The following FHIT variants were observed in gnomAD, a reference collection of about 807,000 sequenced individuals.
FHIT encodes bis(5'-adenosyl)-triphosphatase.
A neutral mutation model predicts 17.9 loss-of-function variants in FHIT; 19 were observed. The observed-to-expected ratio is 1.06, with a 90% confidence interval of 0.74 to 1.56. The LOEUF (loss-of-function observed/expected upper bound fraction) is 1.56. FHIT is among the 40% of genes most tolerant of loss of function. The pLI, the probability that FHIT is intolerant of heterozygous loss-of-function variation, is 0.00. For synonymous variants in FHIT, 81 were observed against 69.7 expected (o/e 1.16, Z -0.81); for missense variants, 248 against 189.2 (o/e 1.31, Z -1.82).
intron 5 of FHIT, among the ~76,000 whole-genome samples, chr3:60,025,444 A>C (rs892255651): frequency 1.3e-5 from 2 of 152,234 alleles, no homozygotes; most frequent in African/African-American, 4.8e-5. Flanking sequence ...ACTTTTGCTC[A>C]CTTTGGCTTA....
At chr3:60,988,967 AAAAAAAAAC>A (rs1267636131) in intron 3 of FHIT, among the ~76,000 whole-genome samples, 3 of 145,504 alleles carry the variant, frequency 2.1e-5, no homozygotes, top group East Asian at 2.0e-4. Flanking sequence ...AAAAAAAAAA[AAAAAAAAAC>A]AAGATAATTT....
Position 60,903,479 on chromosome 3 carries a change from A to T in FHIT, c.-110-81468T>A, listed in dbSNP as rs1039815043. On this transcript the variant is annotated intron_variant, in intron 3 of 9. Transcript: ENST00000492590. ...AAAGACCTAAATCTGGACCACTGAA[A>T]CTAGTGCACACTTCTAAGTTAGATG... is the stretch of plus-strand genomic sequence containing the variant. Among the ~76,000 whole-genome samples the T allele has an allele frequency of 2.0e-5, 3 of 152,256 alleles. No individual in the cohort carries two copies. The East Asian group carries it at 5.8e-4, about 29-fold the overall frequency.
At chr3:61,001,042 T>C (rs1233277271) in intron 3 of FHIT, among the ~76,000 whole-genome samples, 1 of 151,452 alleles carries the variant, frequency 6.6e-6, no homozygotes, top group South Asian at 2.1e-4. Flanking sequence ...ATACAGGTAG[T>C]AAGCACACAA....
At chr3:61,186,159 G>A (rs2038501989) in intron 2 of FHIT, among the ~76,000 whole-genome samples, 2 of 152,126 alleles carry the variant, frequency 1.3e-5, no homozygotes, top group African/African-American at 4.8e-5. Flanking sequence ...AATAAACCAG[G>A]TGGTAACTAA....
At chr3:60,442,147 A>T (rs1559916812) in intron 5 of FHIT, among the ~76,000 whole-genome samples, 1 of 152,018 alleles carries the variant, frequency 6.6e-6, no homozygotes. Flanking sequence ...GGCATAAGCC[A>T]CCATGCCCAG....
At chr3:60,210,364 A>G (rs1022715626) in intron 5 of FHIT, among the ~76,000 whole-genome samples, 6 of 152,170 alleles carry the variant, frequency 3.9e-5, no homozygotes. Context: ...AAACATGGTA[A>G]TATGTCATCT....
At chr3:60,583,894 A>T (rs1289139077) in intron 4 of FHIT, among the ~76,000 whole-genome samples, 1 of 152,140 alleles carries the variant, frequency 6.6e-6, no homozygotes, top group African/African-American at 2.4e-5. Flanking sequence ...TTCTCTCAGT[A>T]GTAAAAGTAT....
chr3:60,123,892 T>C (rs1021331663), intron 5 of FHIT, among the ~76,000 whole-genome samples: 3 of 148,058 alleles, frequency 2.0e-5, no homozygotes, highest in Non-Finnish European at 3.0e-5. Flanking sequence ...TAAAAATATT[T>C]GTTACATGAG....
intron 4 of FHIT, among the ~76,000 whole-genome samples, chr3:60,778,576 A>G (rs1329227890): frequency 3.3e-5 from 5 of 152,220 alleles, no homozygotes; most frequent in African/African-American, 1.2e-4. Context: ...CTTATTTTGA[A>G]CTATTTACAG....
rs550393820 is a variant in FHIT, at chr3:60,833,277, G to T, written c.-110-11266C>A. Among the ~76,000 whole-genome samples the T allele has an allele frequency of 3.3e-5, 5 of 152,288 alleles. No homozygotes were observed. The East Asian group carries it at 9.6e-4, about 29-fold the overall frequency. On this transcript the variant is annotated intron_variant, in intron 3 of 9. Transcript: ENST00000492590. ...TCCAGTCTTCCTCCTGGGGAAGTAG[G>T]GAGGGAGGCAGTTGGGAGAGGCAGT...
chr3:60,599,789 A>C (rs1553668129), intron 4 of FHIT, among the ~76,000 whole-genome samples: 1 of 152,048 alleles, frequency 6.6e-6, no homozygotes, highest in African/African-American at 2.4e-5. Flanking sequence ...TGAGAAGTAT[A>C]ATAATGAACA....
At chr3:59,788,881 G>GTTTTTTTTTTTTTGTTTTTTTTTTTTTTT (rs60361063) in intron 8 of FHIT, among the ~76,000 whole-genome samples, 1 of 86,804 alleles carries the variant, frequency 1.2e-5, no homozygotes, top group Non-Finnish European at 2.0e-5. Flanking sequence ...GAGTTCATAT[G>GTTTTTTTTTTTTTGTTTTTTTTTTTTTTT]TTTTTTTTTT....
chr3:60,546,225 C>T (rs1182753589), intron 4 of FHIT, among the ~76,000 whole-genome samples: 6 of 152,038 alleles, frequency 3.9e-5, no homozygotes, highest in South Asian at 2.1e-4. Flanking sequence ...TTTATCTTTT[C>T]GTTTGTTTCA....
intron 5 of FHIT, among the ~76,000 whole-genome samples, chr3:60,330,494 T>C (rs1297131528): frequency 6.6e-6 from 1 of 152,224 alleles, no homozygotes; most frequent in Non-Finnish European, 1.5e-5. Context: ...GACTGTTCAC[T>C]GTGCATTTCA....
chr3:61,171,110 G>A lies in FHIT; in HGVS notation c.-164+29507C>T, dbSNP rs756795858. Among the ~76,000 whole-genome samples the A allele has an allele frequency of 4.6e-5, 7 of 152,162 alleles. No homozygotes were observed. In the East Asian group the frequency reaches 5.8e-4, roughly 13 times the overall value. ...CTTTTTTCTCCACAACCTCACTAGC[G>A]TCTGTTACTTTTTTAGCTTGTTAAT... On this transcript the variant is annotated intron_variant, in intron 2 of 9. Transcript: ENST00000492590.
intron 5 of FHIT, among the ~76,000 whole-genome samples, chr3:60,511,844 G>A (rs1412176172): frequency 6.6e-6 from 1 of 152,140 alleles, no homozygotes; most frequent in Non-Finnish European, 1.5e-5. Context: ...AAAGGGCAGA[G>A]ACATCTGAAT....
chr3:60,786,025 G>A (rs1310598684), intron 4 of FHIT, among the ~76,000 whole-genome samples: 1 of 152,154 alleles, frequency 6.6e-6, no homozygotes, highest in Non-Finnish European at 1.5e-5. Flanking sequence ...TGTTATTCAT[G>A]TGTATAAGTT....
At chr3:61,237,791 A>T (rs1245310499) in intron 1 of FHIT, among the ~76,000 whole-genome samples, 11 of 152,238 alleles carry the variant, frequency 7.2e-5, no homozygotes, top group Non-Finnish European at 2.9e-5. Context: ...AGCGAAGCTC[A>T]GAGAGGTTGA....
intron 5 of FHIT, among the ~76,000 whole-genome samples, chr3:60,292,982 T>G (rs1261382882): frequency 6.6e-6 from 1 of 152,156 alleles, no homozygotes; most frequent in African/African-American, 2.4e-5. Flanking sequence ...ATTAAAACAT[T>G]CTCCATAGCA....
Sources: allele counts gnomAD v4.1 joint callset (sites outside exome capture counted in the v4.1 genomes callset), GRCh38; gene constraint gnomAD v4.1.1; transcripts MANE v1.5; gene names NCBI Gene and HGNC (gene_info 2026-07-23, HGNC 2026-07-21).